The following ZFAT variants were observed in gnomAD, a reference collection of about 807,000 sequenced individuals.
ZFAT encodes zinc finger protein ZFAT.
A neutral mutation model predicts 117.7 loss-of-function variants in ZFAT; 64 were observed. That is an observed-to-expected ratio of 0.54 (90% confidence interval 0.44 to 0.67). The LOEUF (loss-of-function observed/expected upper bound fraction) is 0.67. ZFAT is among the 30% of genes least tolerant of loss of function. The pLI, the probability that ZFAT is intolerant of heterozygous loss-of-function variation, is 0.00. For synonymous variants in ZFAT, 679 were observed against 615.0 expected, an observed-to-expected ratio of 1.10 and a Z score of -1.54; for missense variants, 1,433 against 1,584.5, an observed-to-expected ratio of 0.90 and a Z score of 1.62.
At chr8:134,757,309 A>G in the ZFAT span, among the ~76,000 whole-genome samples, 58,595 of 151,782 alleles carry the variant, frequency 0.39, 11,363 homozygotes, top group Admixed American at 0.47. Flanking sequence ...GAGCCACCGC[A>G]CCCAGCCCTT....
chr8:134,533,082 C>T, intron 11 of ZFAT, 110 bp from the exon 12 acceptor site: 1 of 1,449,020 alleles, frequency 6.9e-7, no homozygotes, highest in South Asian at 1.3e-5. Context: ...GATGAGCAGG[C>T]CCCATCACCT....
intron 1 of ZFAT, among the ~76,000 whole-genome samples, chr8:134,699,405 G>A (rs751382833): frequency 6.6e-6 from 1 of 152,198 alleles, no homozygotes; most frequent in African/African-American, 2.4e-5. Context: ...ACCTGGGTGA[G>A]TCTGGCTGCA....
At chr8:134,724,794 C>T in the ZFAT span, among the ~76,000 whole-genome samples, 1 of 152,130 alleles carries the variant, frequency 6.6e-6, no homozygotes, top group African/African-American at 2.4e-5. Flanking sequence ...ACTCGCCTCC[C>T]TTCCCCTTAC....
chr8:134,584,028 A>G (rs758488355), intron 9 of ZFAT, 23 bp from the exon 10 acceptor site: 1 of 1,547,324 alleles, frequency 6.5e-7, no homozygotes, highest in South Asian at 1.2e-5. Flanking sequence ...AAATGTATAT[A>G]TCTCTATATA....
chr8:134,821,525 A>G, the ZFAT span, among the ~76,000 whole-genome samples: 2 of 151,990 alleles, frequency 1.3e-5, no homozygotes, highest in African/African-American at 4.8e-5. Context: ...AAAGGTCTGT[A>G]AACCATGTCA....
At chr8:134,719,420 GC>G in the ZFAT span, among the ~76,000 whole-genome samples, 18 of 152,324 alleles carry the variant, frequency 1.2e-4, no homozygotes, top group Non-Finnish European at 2.6e-4. Flanking sequence ...AGTGGTTTCA[GC>G]CCCTTTGGGG....
intron 15 of ZFAT, among the ~76,000 whole-genome samples, chr8:134,492,160 G>A (rs1190540170): frequency 2.6e-5 from 4 of 151,828 alleles, no homozygotes; most frequent in Admixed American, 6.6e-5. Flanking sequence ...CACGTGCTAC[G>A]GCAAGCAACT....
At chr8:134,699,127 AC>A (rs1272457286) in intron 1 of ZFAT, among the ~76,000 whole-genome samples, 2 of 151,084 alleles carry the variant, frequency 1.3e-5, no homozygotes, top group African/African-American at 2.4e-5. Context: ...ATTGCCCCTC[AC>A]CCCCTCCCCG....
chr8:134,764,719 G>A, the ZFAT span: 11 of 152,178 alleles, frequency 7.2e-5, no homozygotes, highest in Admixed American at 5.2e-4. Context: ...TAAATGTACA[G>A]TATTGTACTA....
At chr8:134,574,321 G>GAAAGGC (rs1253011189) in intron 10 of ZFAT, among the ~76,000 whole-genome samples, 1 of 152,144 alleles carries the variant, frequency 6.6e-6, no homozygotes, top group Non-Finnish European at 1.5e-5. Flanking sequence ...CTCCTGAAAA[G>GAAAGGC]AAAGGCAATC....
At chr8:134,505,966 A>G (rs72735770) in intron 15 of ZFAT, among the ~76,000 whole-genome samples, 8,545 of 152,324 alleles carry the variant, frequency 0.056, 414 homozygotes, top group East Asian at 0.29. Flanking sequence ...TCAACCATAC[A>G]TACAATGTTA....
At chr8:134,817,658 T>G in the ZFAT span, among the ~76,000 whole-genome samples, 4 of 152,032 alleles carry the variant, frequency 2.6e-5, no homozygotes, top group African/African-American at 7.2e-5. Flanking sequence ...GCAATTCCAA[T>G]CAAAACGTCA....
chr8:134,590,916 C>G (rs184460876), intron 7 of ZFAT, among the ~76,000 whole-genome samples: 2 of 152,334 alleles, frequency 1.3e-5, no homozygotes, highest in East Asian at 3.9e-4. Flanking sequence ...TACATCCTTC[C>G]AAGCACATAC....
chr8:134,602,947 A>G lies in ZFAT; in HGVS notation c.786-14T>C. ...GTGGGACCTAGCCTAGAAACAGATG[A>G]CAGCATGGTTACATCTGGAGACCTT... On this transcript the variant is annotated splice_polypyrimidine_tract_variant and intron_variant, in intron 5 of 15. Transcript: ENST00000377838. The G allele has an allele frequency of 1.9e-6, 3 of 1,591,920 alleles. No individual in the cohort carries two copies. The highest frequency in any genetic ancestry group is 2.6e-6 in the Non-Finnish European group (3 of 1,169,002).
At chr8:134,538,035 C>A (rs1206843173) in intron 11 of ZFAT, among the ~76,000 whole-genome samples, 1 of 152,172 alleles carries the variant, frequency 6.6e-6, no homozygotes, top group Admixed American at 6.5e-5. Context: ...CAGAGGACAG[C>A]TCCAGGCTGC....
At chr8:134,522,740 A>G (rs187423772) in intron 12 of ZFAT, among the ~76,000 whole-genome samples, 1 of 152,308 alleles carries the variant, frequency 6.6e-6, no homozygotes, top group Non-Finnish European at 1.5e-5. Context: ...GCCATTATTT[A>G]TTCTTATGGC....
intron 12 of ZFAT, among the ~76,000 whole-genome samples, chr8:134,531,936 GT>G (rs1230715582): frequency 6.6e-6 from 1 of 152,222 alleles, no homozygotes; most frequent in Non-Finnish European, 1.5e-5. Context: ...CCACATCTCT[GT>G]TTACTGGGGG....
chr8:134,670,171 C>T (rs1832483604), intron 1 of ZFAT, among the ~76,000 whole-genome samples: 1 of 152,214 alleles, frequency 6.6e-6, no homozygotes, highest in African/African-American at 2.4e-5. Context: ...TAACACCCCA[C>T]TGTCAACATT....
intron 15 of ZFAT, among the ~76,000 whole-genome samples, chr8:134,492,546 T>A (rs979881668): frequency 2.6e-5 from 4 of 152,228 alleles, no homozygotes; most frequent in Non-Finnish European, 5.9e-5. Flanking sequence ...GGAAGAAGCC[T>A]TATTTTTTCC....
Sources: allele counts gnomAD v4.1 joint callset (sites outside exome capture counted in the v4.1 genomes callset), GRCh38; gene constraint gnomAD v4.1.1; transcripts MANE v1.5; gene names NCBI Gene and HGNC (gene_info 2026-07-23, HGNC 2026-07-21).